Variants in OSBPL5 observed in about 807,000 individuals in gnomAD.
The protein encoded by OSBPL5 is oxysterol-binding protein-related protein 5.
In OSBPL5, 71 loss-of-function variants were observed where a neutral mutation model predicts 111.2. That is an observed-to-expected ratio of 0.64 (90% CI 0.53 to 0.78). The LOEUF (loss-of-function observed/expected upper bound fraction) is 0.78, where lower values mean the gene tolerates loss of function less well. Ranked by LOEUF, OSBPL5 falls within the 30% of genes least tolerant of loss-of-function variation. The pLI is 0.00. For missense variants in OSBPL5, 1,210 were observed against 1,189.3 expected (o/e 1.02, Z -0.26); for synonymous variants, 549 against 513.9 (o/e 1.07, Z -0.93).
At position 3,089,922 on chromosome 11, in the gene OSBPL5, T is replaced by C. The variant is rs1434690187; in HGVS notation, c.2425A>G (p.Arg809Gly). The change falls in exon 21 of 22, where the codon AGG becomes GGG. Residue 809 changes from arginine (R) to glycine (G), a missense_variant. Transcript: ENST00000263650. The part of the protein sequence containing the change: ...PGGESPCPRC[R>G]KEARRLQALH... ...GCCTGCAGCCGCCGCGCCTCCTTCCTGCACCGAGGGCATGGGCTCTCACCG... is the reference window on the plus strand; with the variant it reads ...GCCTGCAGCCGCCGCGCCTCCTTCCCGCACCGAGGGCATGGGCTCTCACCG... 6.4e-7 allele frequency: 1 copy of C among 1,562,326 alleles called. No homozygotes were observed. The highest frequency in any genetic ancestry group is 8.7e-7 in the Non-Finnish European group (1 of 1,153,522).
In OSBPL5 at chr11:3,088,166, AG is replaced by A; in HGVS notation, c.*38del. 6.7e-7 allele frequency: 1 copy of A among 1,493,278 alleles called. No homozygotes were observed. The allele number at this position is 1,493,278 out of a possible 1,614,324, so 92.5% of individuals were successfully genotyped here. A position where few individuals can be genotyped will look rare whatever the true frequency, so the allele number is the denominator to read the frequency against. On this transcript the variant is annotated 3_prime_UTR_variant, in exon 22 of 22. Transcript: ENST00000263650. ...TTAAAGTGCTGGGTGCCTGGGAGGGAGGGCTCAGGACCGGCCAGGAGCTCTG... is the reference window on the plus strand; with the variant it reads ...TTAAAGTGCTGGGTGCCTGGGAGGGAGGCTCAGGACCGGCCAGGAGCTCTG...
intron 1 of OSBPL5, among the ~76,000 whole-genome samples, chr11:3,139,158 C>A (rs11025569): frequency 6.6e-6 from 1 of 152,088 alleles, no homozygotes; most frequent in Non-Finnish European, 1.5e-5. Context: ...CAGCTGTTCC[C>A]GTTCAGGGGA....
intron 1 of OSBPL5, among the ~76,000 whole-genome samples, chr11:3,138,881 T>A (rs1245972439): frequency 6.6e-6 from 1 of 152,186 alleles, no homozygotes; most frequent in African/African-American, 2.4e-5. Context: ...AGCCTGCTCA[T>A]CCTCCTAATT....
At chr11:3,125,583 A>T (rs2134466763) in intron 3 of OSBPL5, among the ~76,000 whole-genome samples, 1 of 152,324 alleles carries the variant, frequency 6.6e-6, no homozygotes, top group East Asian at 1.9e-4. Flanking sequence ...AGGCGGGTGG[A>T]TCATGAGGTC....
rs780069627 is a variant in OSBPL5 at position 3,107,226 on chromosome 11, G to C, written c.1059+37C>G. The C allele has an allele frequency of 2.5e-6, 4 of 1,599,330 alleles. 1 individual carries two copies. In the South Asian group the frequency reaches 4.4e-5, roughly 18 times the overall value. On this transcript the variant is annotated intron_variant, in intron 9 of 21. Coordinates refer to ENST00000263650, the MANE Select transcript of OSBPL5 (RefSeq NM_020896.4). The surrounding 1 kb of genome is among the most constrained non-coding windows in gnomAD (Gnocchi z 6.1). Reference sequence around the variant, plus strand: ...CTTCCGGAACAAGGGGCCGAGGCAGGGGAGACGCTTGGGGCTCCTGGCTGG... The same window carrying C: ...CTTCCGGAACAAGGGGCCGAGGCAGCGGAGACGCTTGGGGCTCCTGGCTGG...
At chr11:3,097,767 T>C (rs997563490) in intron 14 of OSBPL5, among the ~76,000 whole-genome samples, 9 of 151,902 alleles carry the variant, frequency 5.9e-5, no homozygotes, top group African/African-American at 2.2e-4. Flanking sequence ...AATGCACGAG[T>C]ATAAAAAGAA....
At chr11:3,136,112 G>A (rs868459427) in intron 1 of OSBPL5, among the ~76,000 whole-genome samples, 1 of 152,352 alleles carries the variant, frequency 6.6e-6, no homozygotes. Flanking sequence ...CCCTGAGGAT[G>A]CTTGCCTCTG....
chr11:3,112,073 GCA>G (rs1491190635), intron 7 of OSBPL5, among the ~76,000 whole-genome samples: 1,614 of 56,360 alleles, frequency 0.029, 28 homozygotes, highest in African/African-American at 0.12. Flanking sequence ...ATGTGTGTGT[GCA>G]TGTGTGTGTG....
intron 1 of OSBPL5, among the ~76,000 whole-genome samples, chr11:3,158,746 T>C (rs1024892285): frequency 7.2e-5 from 11 of 152,240 alleles, no homozygotes; most frequent in African/African-American, 2.2e-4. Flanking sequence ...CTTTGAAAAC[T>C]AGTGGATGCT....
intron 2 of OSBPL5, among the ~76,000 whole-genome samples, chr11:3,128,730 G>T (rs981646462): frequency 1.3e-5 from 2 of 152,160 alleles, no homozygotes; most frequent in Non-Finnish European, 2.9e-5. Context: ...AACTCCCAAA[G>T]CCTGGGCTGA....
At chr11:3,108,654 C>T (rs1564834957) in intron 7 of OSBPL5, among the ~76,000 whole-genome samples, 1 of 152,264 alleles carries the variant, frequency 6.6e-6, no homozygotes, top group African/African-American at 2.4e-5. Context: ...AAGGGTCCTC[C>T]TGTGGGGCAC....
chr11:3,103,192 A>C (rs768252492), intron 11 of OSBPL5, 47 bp downstream of exon 11: 259 of 1,525,818 alleles, frequency 1.7e-4, no homozygotes, highest in Non-Finnish European at 1.9e-4. Flanking sequence ...CTGAGCAGAC[A>C]GACTCCTGGG....
chr11:3,091,885 C>A (rs1037549761), intron 19 of OSBPL5, among the ~76,000 whole-genome samples: 3 of 152,156 alleles, frequency 2.0e-5, no homozygotes, highest in Non-Finnish European at 4.4e-5. Flanking sequence ...ACCCTCTGCA[C>A]GCAGTAGGTG....
chr11:3,154,368 A>C lies in OSBPL5; in HGVS notation c.-22+10848T>G, dbSNP rs1284217059. Among the ~76,000 whole-genome samples the C allele has an allele frequency of 6.6e-6, 1 of 152,246 alleles. No individual in the cohort carries two copies. The highest frequency in any genetic ancestry group is 2.4e-5 in the African/African-American group (1 of 41,476). On this transcript the variant is annotated intron_variant, in intron 1 of 21. Transcript: ENST00000263650. The surrounding 1 kb of genome is among the most constrained non-coding windows in gnomAD (Gnocchi z 4.9). ...TCCCCGCCCACTTTGCCGGTGGGACAGAGTGGCTGACGGCGTGTGGCACAG... is the reference window on the plus strand; with the variant it reads ...TCCCCGCCCACTTTGCCGGTGGGACCGAGTGGCTGACGGCGTGTGGCACAG...
rs1238419038 is a variant in OSBPL5, at chr11:3,119,559, A to T, written c.679T>A (p.Ser227Thr). 1 of 1,576,322 alleles carries T rather than the reference A, an allele frequency of 6.3e-7. No homozygotes were observed. The highest frequency in any genetic ancestry group is 8.6e-7 in the Non-Finnish European group (1 of 1,165,730). ...GGCAGGGACTCACCATCTGACTCGG[A>T]GGCGGCCCTGAAGATCAGGTAGCTG... ...PSSYLIFRAASESDGRCWLDA... is the reference protein window; with the variant it reads ...PSSYLIFRAATESDGRCWLDA... Residue 227 changes from serine (S) to threonine (T), a missense_variant, in exon 7 of 22, where the codon TCC becomes ACC. By Grantham distance (58) the Ser-to-Thr change is moderately conservative. Coordinates refer to ENST00000263650, the MANE Select transcript of OSBPL5 (RefSeq NM_020896.4).
At chr11:3,131,949 CCATCCATCCATCCATCCATCCA>C in intron 1 of OSBPL5, among the ~76,000 whole-genome samples, 1 of 32,712 alleles carries the variant, frequency 3.1e-5, no homozygotes, top group Non-Finnish European at 8.2e-5. Context: ...ATCCATCCAT[CCATCCATCCATCCATCCATCCA>C]TCCACCCACC....
At chr11:3,093,874 G>T in intron 15 of OSBPL5, 39 bp from the exon 16 acceptor site, 1 of 1,584,968 alleles carries the variant, frequency 6.3e-7, no homozygotes, top group Non-Finnish European at 8.6e-7. Flanking sequence ...AGTGAGCGGG[G>T]GCTGGGGCCT....
intron 3 of OSBPL5, among the ~76,000 whole-genome samples, chr11:3,124,715 TTGTC>T (rs1343021262): frequency 1.3e-5 from 2 of 151,994 alleles, no homozygotes; most frequent in Non-Finnish European, 2.9e-5. Context: ...GAACTGATGA[TTGTC>T]TGTGGCTTCC....
intron 1 of OSBPL5, among the ~76,000 whole-genome samples, chr11:3,132,967 G>A (rs1845852573): frequency 6.6e-6 from 1 of 151,700 alleles, no homozygotes; most frequent in Admixed American, 6.6e-5. Context: ...CTCGGTGGTT[G>A]TGCAGCAGGC....
Sources: gnomAD v4.1 joint callset for allele counts (sites outside exome capture counted in the v4.1 genomes callset) on GRCh38, gnomAD v4.1.1 for gene constraint, Gnocchi (gnomAD v3.1) non-coding constraint, MANE v1.5 for transcripts, NCBI Gene and HGNC (gene_info 2026-07-23, HGNC 2026-07-21) for gene names.